The following NYAP2 variants were observed in gnomAD, a reference collection of about 807,000 sequenced individuals.
The protein encoded by NYAP2 is neuronal tyrosine-phosphorylated phosphoinositide-3-kinase adaptor 2.
In NYAP2, 23 loss-of-function variants were observed where a neutral mutation model predicts 50.4. That is an observed-to-expected ratio of 0.46 (90% CI 0.33 to 0.65). The LOEUF is 0.65. NYAP2 is among the 30% of genes least tolerant of loss of function. NYAP2 has a pLI of 0.02. For synonymous variants in NYAP2, 394 were observed against 365.2 expected (o/e 1.08, Z -0.90); for missense variants, 885 against 861.0 (o/e 1.03, Z -0.35).
chr2:225,677,602 G>A, the NYAP2 span, among the ~76,000 whole-genome samples: 1 of 152,012 alleles, frequency 6.6e-6, no homozygotes, highest in Admixed American at 6.6e-5. Context: ...TTAATCTGTT[G>A]AGGATTTTTT....
chr2:225,604,561 G>T (rs943835331), intron 5 of NYAP2, among the ~76,000 whole-genome samples: 1 of 152,030 alleles, frequency 6.6e-6, no homozygotes, highest in African/African-American at 2.4e-5. Flanking sequence ...ATTGCTAAGA[G>T]ATCAATATTT....
intron 5 of NYAP2, among the ~76,000 whole-genome samples, chr2:225,616,650 A>G (rs1288272488): frequency 6.6e-6 from 1 of 152,134 alleles, no homozygotes; most frequent in African/African-American, 2.4e-5. Flanking sequence ...GCTTTCTAGA[A>G]ATTAAAGATT....
At chr2:225,662,945 G>C in the NYAP2 span, among the ~76,000 whole-genome samples, 2 of 152,128 alleles carry the variant, frequency 1.3e-5, no homozygotes, top group African/African-American at 2.4e-5. Flanking sequence ...AGGCCTCGCG[G>C]AATTTCCAAG....
chr2:225,593,674 C>A (rs1266209282), intron 5 of NYAP2, among the ~76,000 whole-genome samples: 1 of 152,160 alleles, frequency 6.6e-6, no homozygotes, highest in Non-Finnish European at 1.5e-5. Flanking sequence ...AAGCTACAAA[C>A]CTTTTCATCA....
chr2:225,693,355 G>C, the NYAP2 span, among the ~76,000 whole-genome samples: 1 of 151,934 alleles, frequency 6.6e-6, no homozygotes, highest in Non-Finnish European at 1.5e-5. Flanking sequence ...TGGAGTTATG[G>C]GTTTTGAGGA....
intron 4 of NYAP2, among the ~76,000 whole-genome samples, chr2:225,572,728 T>C (rs994432176): frequency 6.6e-6 from 1 of 152,214 alleles, no homozygotes; most frequent in Non-Finnish European, 1.5e-5. Flanking sequence ...AGAAAATGAA[T>C]GACTCATAAG....
intron 3 of NYAP2, among the ~76,000 whole-genome samples, chr2:225,473,790 C>A (rs1202006835): frequency 1.3e-5 from 2 of 152,184 alleles, no homozygotes; most frequent in Non-Finnish European, 2.9e-5. Context: ...GTTTCTTTTG[C>A]TGTGCAGAAG....
chr2:225,467,516 T>A (rs1193128923), intron 3 of NYAP2, among the ~76,000 whole-genome samples: 2 of 152,146 alleles, frequency 1.3e-5, no homozygotes, highest in East Asian at 3.9e-4. Context: ...AACAAAACAT[T>A]AGTCACCCAA....
chr2:225,603,465 C>T lies in NYAP2; in HGVS notation c.1618+20430C>T, dbSNP rs1001474915. 5.3e-5 allele frequency among the ~76,000 whole-genome samples: 8 copies of T among 152,062 alleles called. No individual in the cohort carries two copies. In the South Asian group the frequency reaches 1.7e-3, roughly 32 times the overall value. On this transcript the variant is annotated intron_variant, in intron 5 of 6. Coordinates refer to ENST00000636099, the Ensembl canonical transcript of NYAP2. Reference sequence around the variant, plus strand: ...ATTCAGAACTGAGCATTTCATTTTACTTTTATTTTTATTTTGAGACAGAGT... The same window carrying T: ...ATTCAGAACTGAGCATTTCATTTTATTTTTATTTTTATTTTGAGACAGAGT...
chr2:225,428,053 T>G (rs1695311829), intron 3 of NYAP2, among the ~76,000 whole-genome samples: 2 of 152,164 alleles, frequency 1.3e-5, no homozygotes, highest in East Asian at 3.9e-4. Flanking sequence ...ATTTGGAGGA[T>G]CTGATGGGTA....
chr2:225,502,446 C>T (rs1211625050), intron 3 of NYAP2, among the ~76,000 whole-genome samples: 1 of 152,146 alleles, frequency 6.6e-6, no homozygotes, highest in African/African-American at 2.4e-5. Flanking sequence ...GCTTAAGAAA[C>T]CTGTGAGTTA....
At chr2:225,555,818 C>T (rs12104560) in intron 4 of NYAP2, among the ~76,000 whole-genome samples, 4,172 of 152,220 alleles carry the variant, frequency 0.027, 180 homozygotes, top group African/African-American at 0.093. Context: ...GTGAGGAACA[C>T]AGATGGAAGA....
chr2:225,614,363 A>C (rs974617638), intron 5 of NYAP2, among the ~76,000 whole-genome samples: 1 of 152,172 alleles, frequency 6.6e-6, no homozygotes, highest in African/African-American at 2.4e-5. Context: ...TGAATGAAAA[A>C]CTATTTGAAA....
chr2:225,659,938 T>A, the NYAP2 span, among the ~76,000 whole-genome samples: 1 of 152,178 alleles, frequency 6.6e-6, no homozygotes, highest in Non-Finnish European at 1.5e-5. Context: ...AAGGCAGTAG[T>A]CACTGAAGGA....
intron 3 of NYAP2, among the ~76,000 whole-genome samples, chr2:225,491,935 A>G (rs1690414524): frequency 6.6e-6 from 1 of 152,212 alleles, no homozygotes; most frequent in South Asian, 2.1e-4. Context: ...TAAAAAACCT[A>G]TACCCTATCT....
intron 4 of NYAP2, among the ~76,000 whole-genome samples, chr2:225,531,881 T>A (rs7603139): frequency 6.6e-6 from 1 of 152,214 alleles, no homozygotes; most frequent in African/African-American, 2.4e-5. Flanking sequence ...TATTTATGAA[T>A]CTTGATTGGT....
At chr2:225,462,048 G>A (rs1170818461) in intron 3 of NYAP2, among the ~76,000 whole-genome samples, 1 of 152,168 alleles carries the variant, frequency 6.6e-6, no homozygotes, top group Admixed American at 6.5e-5. Context: ...TCCCCCTGCA[G>A]TCTGTCTGTA....
At chr2:225,689,400 T>C in the NYAP2 span, among the ~76,000 whole-genome samples, 16 of 152,208 alleles carry the variant, frequency 1.1e-4, no homozygotes, top group African/African-American at 3.9e-4. Context: ...AAATAGTATA[T>C]ATAACTTAAA....
intron 4 of NYAP2, among the ~76,000 whole-genome samples, chr2:225,514,523 C>T (rs993520112): frequency 1.3e-5 from 2 of 152,124 alleles, no homozygotes; most frequent in East Asian, 1.9e-4. Context: ...TGCAGACTGC[C>T]GACTTCTCCT....
Sources: allele counts gnomAD v4.1 joint callset (sites outside exome capture counted in the v4.1 genomes callset), GRCh38; gene constraint gnomAD v4.1.1; transcripts MANE v1.5; gene names NCBI Gene and HGNC (gene_info 2026-07-23, HGNC 2026-07-21).